STAG1: variants seen among roughly 807,000 people sequenced by gnomAD.
STAG1 encodes cohesin subunit SA-1.
STAG1 carries 26 observed loss-of-function variants against 170.9 expected under a neutral mutation model. The observed-to-expected ratio is 0.15, with a 90% CI of 0.11 to 0.21. The LOEUF (loss-of-function observed/expected upper bound fraction) is 0.21. STAG1 is among the 10% of genes least tolerant of loss of function. STAG1 has a pLI of 1.00. For synonymous variants in STAG1, 514 were observed against 497.7 expected (o/e 1.03, Z -0.44); for missense variants, 964 against 1,509.5 (o/e 0.64, Z 5.99).
At chr3:136,445,141 C>T (rs1252774938) in intron 14 of STAG1, among the ~76,000 whole-genome samples, 1 of 149,854 alleles carries the variant, frequency 6.7e-6, no homozygotes, top group East Asian at 2.0e-4. Flanking sequence ...TACTTCATTT[C>T]GACTGCATTT....
chr3:136,528,361 G>T (rs545827195), intron 6 of STAG1, among the ~76,000 whole-genome samples: 6 of 152,052 alleles, frequency 3.9e-5, no homozygotes, highest in Admixed American at 6.5e-5. Flanking sequence ...GGCTCCGTGG[G>T]CATGGGACCC....
chr3:136,621,633 G>T (rs571912468), intron 3 of STAG1, among the ~76,000 whole-genome samples: 1 of 152,068 alleles, frequency 6.6e-6, no homozygotes, highest in Non-Finnish European at 1.5e-5. Context: ...TTAAATAAAA[G>T]TAGAGGATAA....
intron 1 of STAG1, among the ~76,000 whole-genome samples, chr3:136,708,432 A>G (rs1182349395): frequency 1.3e-5 from 2 of 152,078 alleles, no homozygotes; most frequent in Non-Finnish European, 2.9e-5. Flanking sequence ...GATAGAAAGC[A>G]TATTAGTGAT....
chr3:136,593,414 A>C (rs1350803980), intron 4 of STAG1, among the ~76,000 whole-genome samples: 3 of 152,228 alleles, frequency 2.0e-5, no homozygotes, highest in Non-Finnish European at 2.9e-5. Flanking sequence ...GGATATCCAG[A>C]GGGTGCTTGG....
intron 6 of STAG1, among the ~76,000 whole-genome samples, chr3:136,529,066 G>GA (rs1451143364): frequency 4.9e-4 from 75 of 152,134 alleles, no homozygotes; most frequent in Non-Finnish European, 3.2e-4. Context: ...GGATCAAGCA[G>GA]AAAAATGAGT....
At chr3:136,555,750 A>T (rs1936591129) in intron 5 of STAG1, among the ~76,000 whole-genome samples, 1 of 152,040 alleles carries the variant, frequency 6.6e-6, no homozygotes. Flanking sequence ...AAAAAAAAAA[A>T]TCAGTAGCTT....
At chr3:136,599,054 C>G (rs1938558875) in intron 4 of STAG1, among the ~76,000 whole-genome samples, 1 of 152,096 alleles carries the variant, frequency 6.6e-6, no homozygotes, top group African/African-American at 2.4e-5. Flanking sequence ...GGCAGAAATA[C>G]CACTTGACCC....
At chr3:136,712,238 G>A (rs555495554) in intron 1 of STAG1, among the ~76,000 whole-genome samples, 2 of 151,964 alleles carry the variant, frequency 1.3e-5, no homozygotes, top group African/African-American at 2.4e-5. Context: ...GGATGGTCTC[G>A]ATCTCCTGAC....
chr3:136,467,484 T>A (rs948301376), intron 12 of STAG1, among the ~76,000 whole-genome samples: 1 of 152,082 alleles, frequency 6.6e-6, no homozygotes, highest in East Asian at 1.9e-4. Context: ...ATGCACCCAA[T>A]ACAGGAGCAC....
chr3:136,550,860 T>C (rs1224208914), intron 5 of STAG1, among the ~76,000 whole-genome samples: 1 of 152,182 alleles, frequency 6.6e-6, no homozygotes, highest in African/African-American at 2.4e-5. Context: ...TTTCGATTTG[T>C]CTGATGCTTT....
intron 3 of STAG1, among the ~76,000 whole-genome samples, chr3:136,618,674 G>A (rs1047883147): frequency 3.3e-5 from 5 of 152,030 alleles, no homozygotes; most frequent in Non-Finnish European, 5.9e-5. Context: ...ATAAAATCCT[G>A]GACTAGACCC....
At chr3:136,491,087 T>C (rs868144437) in intron 9 of STAG1, among the ~76,000 whole-genome samples, 1 of 152,184 alleles carries the variant, frequency 6.6e-6, no homozygotes, top group Middle Eastern at 3.2e-3. Flanking sequence ...TTGTACTCAC[T>C]ACTACTACTT....
At chr3:136,503,390 T>C (rs550591527) in intron 7 of STAG1, among the ~76,000 whole-genome samples, 1 of 152,326 alleles carries the variant, frequency 6.6e-6, no homozygotes, top group Admixed American at 6.5e-5. Flanking sequence ...AGTGATAATG[T>C]ACTTTTAAAC....
At chr3:136,566,287 T>A (rs1937073098) in intron 5 of STAG1, among the ~76,000 whole-genome samples, 6 of 152,142 alleles carry the variant, frequency 3.9e-5, no homozygotes, top group Admixed American at 3.9e-4. Flanking sequence ...CTCTCAACCC[T>A]CTTTTTGCCA....
intron 21 of STAG1, among the ~76,000 whole-genome samples, chr3:136,410,195 T>C (rs1404863616): frequency 6.7e-6 from 1 of 149,196 alleles, no homozygotes; most frequent in Non-Finnish European, 1.5e-5. Flanking sequence ...AGGTCAGGAG[T>C]TCAAGACCAG....
intron 3 of STAG1, among the ~76,000 whole-genome samples, chr3:136,618,914 T>TA (rs766832290): frequency 2.4e-4 from 36 of 151,036 alleles, no homozygotes; most frequent in Non-Finnish European, 3.4e-4. Context: ...ATACTGAATT[T>TA]AAAAAAAAAG....
chr3:136,478,143 C>G (rs868300177), intron 9 of STAG1, among the ~76,000 whole-genome samples: 1 of 152,226 alleles, frequency 6.6e-6, no homozygotes, highest in South Asian at 2.1e-4. Flanking sequence ...AAAGAAAAAG[C>G]CCACTTTATT....
At chr3:136,649,503 C>CAAAAAAAAAAAAAAAAA (rs761067087) in intron 1 of STAG1, among the ~76,000 whole-genome samples, 3 of 70,856 alleles carry the variant, frequency 4.2e-5, no homozygotes, top group African/African-American at 9.0e-5. Context: ...AAAACAGAAA[C>CAAAAAAAAAAAAAAAAA]AAAAAAAAAA....
At chr3:136,450,515 C>T (rs1410851681) in intron 14 of STAG1, among the ~76,000 whole-genome samples, 3 of 152,224 alleles carry the variant, frequency 2.0e-5, no homozygotes, top group African/African-American at 7.2e-5. Flanking sequence ...ACCCTTCACT[C>T]CACTGACTGA....
Sources: allele counts gnomAD v4.1 joint callset (sites outside exome capture counted in the v4.1 genomes callset), GRCh38; gene constraint gnomAD v4.1.1; transcripts MANE v1.5; gene names NCBI Gene and HGNC (gene_info 2026-07-23, HGNC 2026-07-21).